Variants in MTUS1 observed in about 807,000 individuals in gnomAD.
The protein encoded by MTUS1 is microtubule-associated tumor suppressor 1.
Under a neutral mutation model 120.8 loss-of-function variants are expected in MTUS1, and 109 were observed. That is an observed-to-expected ratio of 0.90 (90% CI 0.77 to 1.06). The LOEUF (loss-of-function observed/expected upper bound fraction) is 1.06. Ranked by LOEUF, MTUS1 falls within the 50% of genes least tolerant of loss-of-function variation. The pLI, the probability that MTUS1 is intolerant of heterozygous loss-of-function variation, is 0.00. For synonymous variants in MTUS1, 737 were observed against 550.5 expected (o/e 1.34, Z -4.74); for missense variants, 2,210 against 1,486.3 (o/e 1.49, Z -8.01).
intron 1 of MTUS1, among the ~76,000 whole-genome samples, chr8:17,781,305 C>T (rs1464589869): frequency 1.3e-5 from 2 of 152,218 alleles, no homozygotes; most frequent in African/African-American, 4.8e-5. Flanking sequence ...CTTCAACATA[C>T]AATTTGTACC....
intron 3 of MTUS1, among the ~76,000 whole-genome samples, chr8:17,733,208 G>A (rs949650358): frequency 6.6e-6 from 1 of 152,058 alleles, no homozygotes; most frequent in Non-Finnish European, 1.5e-5. Flanking sequence ...AAAACTAGCT[G>A]GGCGTGGTGG....
chr8:17,715,680 A>G, intron 5 of MTUS1, 87 bp downstream of exon 5: 2 of 1,321,262 alleles, frequency 1.5e-6, no homozygotes, highest in Non-Finnish European at 2.1e-6. Context: ...ACTATACCAT[A>G]AACCTAATTG....
intron 4 of MTUS1, chr8:17,721,845 G>C: frequency 2.5e-6 from 4 of 1,614,072 alleles, no homozygotes; most frequent in African/African-American, 1.3e-5. Flanking sequence ...AATTGATAAA[G>C]ATTTTTGAAG....
intron 10 of MTUS1, 86 bp downstream of exon 10, chr8:17,654,475 G>T: frequency 1.0e-6 from 1 of 983,278 alleles, no homozygotes; most frequent in East Asian, 2.5e-5. Flanking sequence ...CGCTGAAGCA[G>T]GAAGTTATGA....
At chr8:17,666,478 A>G (rs1810935727) in intron 8 of MTUS1, among the ~76,000 whole-genome samples, 1 of 152,164 alleles carries the variant, frequency 6.6e-6, no homozygotes, top group Non-Finnish European at 1.5e-5. Context: ...TATGCTTGAG[A>G]TATGTATGTA....
At chr8:17,742,014 TCA>T (rs1236929933) in intron 3 of MTUS1, among the ~76,000 whole-genome samples, 1 of 152,162 alleles carries the variant, frequency 6.6e-6, no homozygotes, top group Non-Finnish European at 1.5e-5. Context: ...CAGGTGTTCC[TCA>T]CAGAGGAGGA....
intron 6 of MTUS1, among the ~76,000 whole-genome samples, chr8:17,686,456 T>A (rs554540752): frequency 1.3e-5 from 2 of 152,368 alleles, no homozygotes; most frequent in African/African-American, 4.8e-5. Context: ...TCTTTCACTA[T>A]CTAGAATTTA....
chr8:17,732,019 G>A (rs2046618847), intron 3 of MTUS1, among the ~76,000 whole-genome samples: 1 of 152,232 alleles, frequency 6.6e-6, no homozygotes, highest in Non-Finnish European at 1.5e-5. Context: ...GCTGCTGCAT[G>A]GGTGTCCCCA....
At chr8:17,766,331 A>C (rs1047509723) in intron 1 of MTUS1, among the ~76,000 whole-genome samples, 2 of 152,226 alleles carry the variant, frequency 1.3e-5, no homozygotes, top group Non-Finnish European at 2.9e-5. Flanking sequence ...CCTTAATGAG[A>C]ATGAGAAAAT....
intron 8 of MTUS1, among the ~76,000 whole-genome samples, chr8:17,657,012 T>A (rs184293124): frequency 2.1e-5 from 3 of 140,540 alleles, no homozygotes; most frequent in African/African-American, 2.7e-5. Context: ...TGAGCCGAGA[T>A]TGCGCCACTG....
intron 3 of MTUS1, among the ~76,000 whole-genome samples, chr8:17,732,073 C>A (rs1232273832): frequency 6.6e-6 from 1 of 152,198 alleles, no homozygotes; most frequent in Non-Finnish European, 1.5e-5. Context: ...GAGATGCCGT[C>A]CTTTGCTTCC....
At chr8:17,744,689 C>CTTTTTTTTTT (rs58283163) in intron 2 of MTUS1, among the ~76,000 whole-genome samples, 181 of 98,980 alleles carry the variant, frequency 1.8e-3, no homozygotes, top group South Asian at 2.8e-3. Context: ...ACCATGTTTT[C>CTTTTTTTTTT]TTTTTTTTTT....
At chr8:17,748,770 G>C (rs1674437366) in intron 2 of MTUS1, among the ~76,000 whole-genome samples, 2 of 152,116 alleles carry the variant, frequency 1.3e-5, no homozygotes, top group African/African-American at 4.8e-5. Flanking sequence ...TTTACAAATG[G>C]GTTGAGAAAA....
chr8:17,747,711 T>A (rs758153993), intron 2 of MTUS1, among the ~76,000 whole-genome samples: 3 of 152,132 alleles, frequency 2.0e-5, no homozygotes, highest in Non-Finnish European at 4.4e-5. Flanking sequence ...ACTCACTTGG[T>A]AGGGGAGACA....
At chr8:17,727,859 T>C (rs945435439) in intron 3 of MTUS1, among the ~76,000 whole-genome samples, 11 of 152,210 alleles carry the variant, frequency 7.2e-5, no homozygotes, top group Non-Finnish European at 2.9e-5. Flanking sequence ...CCATCTTTTA[T>C]GTAGGGAAAA....
chr8:17,682,378 CA>C (rs1353654656), intron 7 of MTUS1, among the ~76,000 whole-genome samples: 3 of 151,976 alleles, frequency 2.0e-5, no homozygotes, highest in Non-Finnish European at 4.4e-5. Flanking sequence ...ACTAGTCGGG[CA>C]TGGTGGCGGG....
rs527487288 is a variant in MTUS1 at position 17,659,236 on chromosome 8, G to A, written c.2906-3171C>T. ...TGTTTCTTGTGCTGGGGCTGGCAAG[G>A]CGCATGATGGGGCCTCTACTGGAAG... On this transcript the variant is annotated intron_variant, in intron 8 of 14. Transcript: ENST00000693296. Among the ~76,000 whole-genome samples the A allele has an allele frequency of 8.5e-5, 13 of 152,280 alleles. No homozygotes were observed. The South Asian group carries it at 2.5e-3, about 29-fold the overall frequency.
intron 8 of MTUS1, 48 bp downstream of exon 8, chr8:17,675,138 G>C: frequency 1.9e-6 from 3 of 1,608,216 alleles, no homozygotes; most frequent in Non-Finnish European, 2.6e-6. Flanking sequence ...ATTTTCCAGT[G>C]TTCCCCTTGT....
intron 13 of MTUS1, among the ~76,000 whole-genome samples, chr8:17,648,294 C>G (rs532234115): frequency 6.6e-6 from 1 of 152,202 alleles, no homozygotes; most frequent in Non-Finnish European, 1.5e-5. Flanking sequence ...CATTCTTGCA[C>G]ACATACACAA....
Sources: allele counts gnomAD v4.1 joint callset (sites outside exome capture counted in the v4.1 genomes callset), GRCh38; gene constraint gnomAD v4.1.1; transcripts MANE v1.5; gene names NCBI Gene and HGNC (gene_info 2026-07-23, HGNC 2026-07-21).